TNS3: variants seen among roughly 807,000 people sequenced by gnomAD.
The protein encoded by TNS3 is tensin 3.
In TNS3, 45 loss-of-function variants were observed where a neutral mutation model predicts 140.9. The ratio of observed to expected loss-of-function variants is 0.32; its 90% CI spans 0.25 to 0.41. The LOEUF is 0.41. Ranked by LOEUF, TNS3 falls within the 10% of genes least tolerant of loss-of-function variation. The pLI is 1.00. For synonymous variants in TNS3, 815 were observed against 788.4 expected (o/e 1.03, Z -0.56); for missense variants, 1,716 against 1,906.7 (o/e 0.90, Z 1.86).
At chr7:47,355,747 G>A (rs1207811122) in intron 17 of TNS3, among the ~76,000 whole-genome samples, 2 of 152,144 alleles carry the variant, frequency 1.3e-5, no homozygotes, top group African/African-American at 4.8e-5. Flanking sequence ...ATCCTGATAG[G>A]TAAGTCAGTA....
intron 2 of TNS3, among the ~76,000 whole-genome samples, chr7:47,528,309 G>A (rs1464439659): frequency 6.6e-6 from 1 of 152,196 alleles, no homozygotes; most frequent in African/African-American, 2.4e-5. Context: ...CAGGGAAGGA[G>A]GCACTGAGGG....
chr7:47,504,000 C>T (rs1360774209), intron 3 of TNS3, among the ~76,000 whole-genome samples: 1 of 152,126 alleles, frequency 6.6e-6, no homozygotes, highest in Non-Finnish European at 1.5e-5. Flanking sequence ...CTACCATCAC[C>T]TTGGGGGTCA....
chr7:47,368,619 T>C lies in TNS3; in HGVS notation c.2027A>G (p.Asn676Ser), dbSNP rs781192410. The change falls in exon 17 of 31, where the codon AAT (asparagine) becomes AGT (serine). Residue 676 changes from asparagine (N) to serine (S), a missense_variant. Physicochemically the swap from Asn to Ser is conservative, Grantham distance 46. This residue lies in a region of TNS3 where 1,163 missense variants were observed against 1,182.1 expected (regional missense o/e 0.98). Coordinates refer to ENST00000311160, the MANE Select transcript of TNS3 (RefSeq NM_022748.12). ...KPRFPGDQVV[N>S]GAGPELSTGP... ...TGTGCTCAGCTCTGGGCCGGCTCCA[T>C]TCACAACCTGGTCTCCTGGAAACCT... 6.3e-7 allele frequency: 1 copy of C among 1,595,504 alleles called. No individual in the cohort carries two copies.
chr7:47,545,053 G>A (rs1431442942), intron 1 of TNS3, among the ~76,000 whole-genome samples: 1 of 152,024 alleles, frequency 6.6e-6, no homozygotes, highest in African/African-American at 2.4e-5. Context: ...CTTCCTCCAG[G>A]GGGGTAAAGA....
chr7:47,348,564 G>T (rs1055722264), intron 17 of TNS3, among the ~76,000 whole-genome samples: 2 of 152,262 alleles, frequency 1.3e-5, no homozygotes, highest in African/African-American at 4.8e-5. Context: ...GAAGAACACA[G>T]AAAAAATGGC....
intron 13 of TNS3, among the ~76,000 whole-genome samples, chr7:47,401,373 GT>G (rs1793154833): frequency 6.6e-6 from 1 of 152,088 alleles, no homozygotes; most frequent in Non-Finnish European, 1.5e-5. Context: ...AAAGCTTTTT[GT>G]TTTCCAAAAA....
intron 9 of TNS3, among the ~76,000 whole-genome samples, chr7:47,427,950 C>A (rs1264741960): frequency 6.6e-6 from 1 of 152,196 alleles, no homozygotes; most frequent in Non-Finnish European, 1.5e-5. Flanking sequence ...AAGGTATGAG[C>A]TGATTTAGTG....
At chr7:47,391,770 G>A (rs972453131) in intron 16 of TNS3, among the ~76,000 whole-genome samples, 12 of 152,168 alleles carry the variant, frequency 7.9e-5, no homozygotes, top group Non-Finnish European at 1.5e-4. Context: ...TCCTGAAAGA[G>A]CAGGTACATC....
intron 4 of TNS3, among the ~76,000 whole-genome samples, chr7:47,473,329 T>C (rs1797036016): frequency 6.6e-6 from 1 of 152,168 alleles, no homozygotes; most frequent in South Asian, 2.1e-4. Context: ...TTCCTGGAGA[T>C]CAGAGAGATT....
At chr7:47,361,695 A>G (rs1239008729) in intron 17 of TNS3, among the ~76,000 whole-genome samples, 12 of 152,186 alleles carry the variant, frequency 7.9e-5, no homozygotes, top group Admixed American at 7.9e-4. Flanking sequence ...TACAGTTTCC[A>G]TTGCTCTGAA....
At chr7:47,308,031 A>G (rs140755577) in intron 20 of TNS3, among the ~76,000 whole-genome samples, 1,533 of 152,352 alleles carry the variant, frequency 0.01, 12 homozygotes, top group Non-Finnish European at 0.014. Flanking sequence ...TCCAGTCACA[A>G]AACATGTTTT....
At chr7:47,496,701 G>A (rs1193450423) in intron 3 of TNS3, among the ~76,000 whole-genome samples, 2 of 152,210 alleles carry the variant, frequency 1.3e-5, no homozygotes, top group Admixed American at 1.3e-4. Flanking sequence ...GAGGGCTGGG[G>A]ATGCATCTGT....
At chr7:47,363,596 C>T (rs1790521132) in intron 17 of TNS3, among the ~76,000 whole-genome samples, 1 of 152,174 alleles carries the variant, frequency 6.6e-6, no homozygotes, top group African/African-American at 2.4e-5. Flanking sequence ...AACCTTCATC[C>T]ACAGTCAGAA....
chr7:47,528,388 C>CCG (rs879331395), intron 2 of TNS3, among the ~76,000 whole-genome samples: 1 of 152,130 alleles, frequency 6.6e-6, no homozygotes, highest in Non-Finnish European at 1.5e-5. Flanking sequence ...ATCCCCAACC[C>CCG]CGCAGATGAA....
chr7:47,559,539 C>A (rs1196212140), intron 1 of TNS3, among the ~76,000 whole-genome samples: 3 of 152,192 alleles, frequency 2.0e-5, no homozygotes, highest in Non-Finnish European at 4.4e-5. Flanking sequence ...ATCATCTTTA[C>A]GCACCCCAGG....
At chr7:47,484,245 A>T (rs977849230) in intron 3 of TNS3, among the ~76,000 whole-genome samples, 1 of 152,254 alleles carries the variant, frequency 6.6e-6, no homozygotes, top group Admixed American at 6.5e-5. Flanking sequence ...CACCAACCAG[A>T]GAAAAAGGGA....
chr7:47,275,764 C>T lies in TNS3; in HGVS notation c.*2312G>A. The T allele has an allele frequency of 2.2e-6, 1 of 454,214 alleles. No individual in the cohort carries two copies. Among genetic ancestry groups the T allele is most frequent in the South Asian group, 1.6e-5 (1 of 64,366 alleles). The allele number at this position is 454,214 out of a possible 1,614,324, so 28.1% of individuals were successfully genotyped here. The stretch of plus-strand genomic sequence containing the variant: ...GAGCAAATTCCCCGATGCCCTTGAC[C>T]ACGTTTACCTTGTGTAAAAATCACA... On this transcript the variant is annotated 3_prime_UTR_variant, in exon 31 of 31. Coordinates refer to ENST00000311160, the MANE Select transcript of TNS3 (RefSeq NM_022748.12).
At position 47,277,896 on chromosome 7, in the gene TNS3, G is replaced by T; in HGVS notation, c.*180C>A. The T allele has an allele frequency of 1.3e-6, 1 of 758,818 alleles. No homozygotes were observed. Among genetic ancestry groups the T allele is most frequent in the Non-Finnish European group, 2.3e-6 (1 of 438,030 alleles). 47.0% of individuals were successfully genotyped at this position (758,818 alleles called of 1,614,324 possible). Reference sequence around the variant, plus strand: ...GTCAGATAAGTCACTTTCAGGAAAGGCCAATTCACGGTGATGTTGTTTGTT... The same window carrying T: ...GTCAGATAAGTCACTTTCAGGAAAGTCCAATTCACGGTGATGTTGTTTGTT... On this transcript the variant is annotated 3_prime_UTR_variant, in exon 31 of 31. Transcript: ENST00000311160.
At chr7:47,455,652 G>C (rs1368711594) in intron 4 of TNS3, among the ~76,000 whole-genome samples, 1 of 152,202 alleles carries the variant, frequency 6.6e-6, no homozygotes, top group Non-Finnish European at 1.5e-5. Flanking sequence ...CTGTCCTGGA[G>C]GTGCTGGATA....
Sources: gnomAD v4.1 joint callset for allele counts (sites outside exome capture counted in the v4.1 genomes callset) on GRCh38, gnomAD v4.1.1 for gene constraint, gnomAD v4.1.1 regional missense constraint, MANE v1.5 for transcripts, NCBI Gene and HGNC (gene_info 2026-07-23, HGNC 2026-07-21) for gene names.